The following GRID2 variants were observed in gnomAD, a reference collection of about 807,000 sequenced individuals.
The protein encoded by GRID2 is glutamate ionotropic receptor delta type subunit 2.
GRID2 carries 33 observed loss-of-function variants against 114.8 expected under a neutral mutation model. The ratio of observed to expected loss-of-function variants is 0.29; its 90% confidence interval spans 0.22 to 0.38. The LOEUF (loss-of-function observed/expected upper bound fraction) is 0.38. Among genes scored for constraint, GRID2 ranks in the 10% least tolerant of loss-of-function variants. GRID2 has a pLI of 1.00. For synonymous variants in GRID2, 505 were observed against 449.9 expected (o/e 1.12, Z -1.55); for missense variants, 1,184 against 1,257.7 (o/e 0.94, Z 0.89).
At chr4:93,359,867 T>G in intron 8 of GRID2, among the ~76,000 whole-genome samples, 1 of 61,254 alleles carries the variant, frequency 1.6e-5, no homozygotes, top group Admixed American at 2.6e-4. Context: ...ATAAGGAAGG[T>G]GTAAAAAAAA....
chr4:92,592,230 T>C (rs922064619), intron 2 of GRID2, among the ~76,000 whole-genome samples: 1 of 152,124 alleles, frequency 6.6e-6, no homozygotes, highest in Non-Finnish European at 1.5e-5. Flanking sequence ...ACGTGAGGAC[T>C]GATTTCTTTC....
At chr4:93,001,267 G>A (rs2149217081) in intron 2 of GRID2, among the ~76,000 whole-genome samples, 1 of 151,604 alleles carries the variant, frequency 6.6e-6, no homozygotes, top group South Asian at 2.1e-4. Flanking sequence ...AAGTATATAA[G>A]CTGTCTTTTT....
At position 92,381,508 on chromosome 4, in the gene GRID2, T is replaced by G. The variant is rs542809061; in HGVS notation, c.88+76764T>G. 6.3e-3 allele frequency among the ~76,000 whole-genome samples: 441 copies of G among 70,242 alleles called. 1 individual carries two copies. Among genetic ancestry groups the G allele is most frequent in the African/African-American group, 0.016 (415 of 25,408 alleles). The allele number at this position is 70,242 out of a possible 152,430, so 46.1% of individuals were successfully genotyped here. A position where few individuals can be genotyped will look rare whatever the true frequency, so the allele number is the denominator to read the frequency against. ...CTCTATGGTAATATAAAAGAAGTGT[T>G]TTTTTTTTTCCAGCAATGCCAATAA... On this transcript the variant is annotated intron_variant, in intron 1 of 15. Coordinates refer to ENST00000282020, the MANE Select transcript of GRID2 (RefSeq NM_001510.4).
chr4:93,175,157 G>T (rs1739232500), intron 4 of GRID2, among the ~76,000 whole-genome samples: 1 of 151,772 alleles, frequency 6.6e-6, no homozygotes, highest in African/African-American at 2.4e-5. Flanking sequence ...TTTTATTTTA[G>T]ACCTTTTATT....
chr4:93,205,479 A>C (rs1742622974), intron 4 of GRID2, among the ~76,000 whole-genome samples: 1 of 151,826 alleles, frequency 6.6e-6, no homozygotes, highest in African/African-American at 2.4e-5. Flanking sequence ...CCTACAAAGG[A>C]CATGAACTCT....
At chr4:93,624,523 C>A (rs1742516958) in intron 13 of GRID2, among the ~76,000 whole-genome samples, 1 of 152,036 alleles carries the variant, frequency 6.6e-6, no homozygotes, top group Non-Finnish European at 1.5e-5. Context: ...AGATAGATAA[C>A]AGGTAGACAA....
chr4:93,061,086 G>C lies in GRID2; in HGVS notation c.245-23909G>C, dbSNP rs190167119. On this transcript the variant is annotated intron_variant, in intron 2 of 15. Transcript: ENST00000282020. ...CCACTGCACTCCAACCAGGGCAACA[G>C]AGCAAGACTCCATCTCAAAATAAAT... Among the ~76,000 whole-genome samples, 1,205 of 149,932 alleles carry C rather than the reference G, an allele frequency of 8.0e-3. 51 individuals carry two copies. Among genetic ancestry groups the C allele is most frequent in the Admixed American group, 0.063 (943 of 14,948 alleles).
At chr4:92,906,900 T>C (rs1748000176) in intron 2 of GRID2, among the ~76,000 whole-genome samples, 1 of 152,186 alleles carries the variant, frequency 6.6e-6, no homozygotes, top group African/African-American at 2.4e-5. Context: ...ACTAGCAGCA[T>C]AGCTTCACTC....
At chr4:92,934,951 G>GTT (rs1269832936) in intron 2 of GRID2, among the ~76,000 whole-genome samples, 1 of 146,384 alleles carries the variant, frequency 6.8e-6, no homozygotes, top group Non-Finnish European at 1.5e-5. Context: ...GAAAACCTAG[G>GTT]CATTACCATT....
At chr4:93,145,713 C>G (rs1736160757) in intron 4 of GRID2, among the ~76,000 whole-genome samples, 1 of 118,892 alleles carries the variant, frequency 8.4e-6, no homozygotes, top group African/African-American at 3.3e-5. Flanking sequence ...CCAGGCTTGT[C>G]TCGAACTCCT....
intron 1 of GRID2, among the ~76,000 whole-genome samples, chr4:92,558,440 AAAG>A (rs1336364661): frequency 6.6e-6 from 1 of 152,176 alleles, no homozygotes; most frequent in East Asian, 1.9e-4. Context: ...TTTCATAGAA[AAAG>A]AAGCACTATT....
chr4:93,801,774 A>G (rs950865865), intron 1 of GRID2, among the ~76,000 whole-genome samples: 1 of 152,224 alleles, frequency 6.6e-6, no homozygotes, highest in African/African-American at 2.4e-5. Context: ...TTGATGTCAT[A>G]CTAACAGTAA....
rs187048166 is a variant in GRID2, at chr4:93,503,848, T to G, written c.1998-11368T>G. On this transcript the variant is annotated intron_variant, in intron 12 of 15. Transcript: ENST00000282020. Reference sequence around the variant, plus strand: ...GAGATAAATTTAAAAAAAATATTTATTTTGAGAAATTCACAGACCTACTGG... The same window carrying G: ...GAGATAAATTTAAAAAAAATATTTAGTTTGAGAAATTCACAGACCTACTGG... Among the ~76,000 whole-genome samples the G allele has an allele frequency of 2.1e-3, 318 of 152,214 alleles. 4 individuals carry two copies. Among genetic ancestry groups the G allele is most frequent in the South Asian group, 0.015 (70 of 4,814 alleles).
At chr4:93,627,871 A>G (rs1426320105) in intron 14 of GRID2, among the ~76,000 whole-genome samples, 1 of 152,142 alleles carries the variant, frequency 6.6e-6, no homozygotes, top group Non-Finnish European at 1.5e-5. Flanking sequence ...TAGGGAAGGA[A>G]GGAGTAAAGG....
intron 14 of GRID2, among the ~76,000 whole-genome samples, chr4:93,725,234 T>A (rs1469849690): frequency 1.3e-5 from 2 of 152,176 alleles, no homozygotes; most frequent in African/African-American, 4.8e-5. Flanking sequence ...ACATGCGGTG[T>A]TTGGTTTTCT....
chr4:93,513,985 A>G (rs946717927), intron 12 of GRID2, among the ~76,000 whole-genome samples: 1 of 152,138 alleles, frequency 6.6e-6, no homozygotes, highest in Non-Finnish European at 1.5e-5. Flanking sequence ...CATGAGATTC[A>G]TGGCTTATGG....
chr4:93,137,201 G>A (rs1467953411), intron 4 of GRID2, among the ~76,000 whole-genome samples: 2 of 152,106 alleles, frequency 1.3e-5, no homozygotes, highest in East Asian at 3.9e-4. Context: ...TCAATATTTT[G>A]CAGTTTGCTC....
At chr4:93,445,957 C>T (rs1468384946) in intron 10 of GRID2, among the ~76,000 whole-genome samples, 1 of 151,826 alleles carries the variant, frequency 6.6e-6, no homozygotes, top group Admixed American at 6.6e-5. Context: ...AGTAAGGGTA[C>T]CCTCCATGAA....
At chr4:93,533,703 T>A (rs1424886235) in intron 13 of GRID2, among the ~76,000 whole-genome samples, 1 of 151,908 alleles carries the variant, frequency 6.6e-6, no homozygotes, top group Admixed American at 6.6e-5. Context: ...GTAGGTTTTT[T>A]ATTTAAAAAC....
Sources: gnomAD v4.1 joint callset for allele counts (sites outside exome capture counted in the v4.1 genomes callset) on GRCh38, gnomAD v4.1.1 for gene constraint, MANE v1.5 for transcripts, NCBI Gene and HGNC (gene_info 2026-07-23, HGNC 2026-07-21) for gene names.